The following MSANTD1 variants were observed in gnomAD, a reference collection of about 807,000 sequenced individuals.
MSANTD1 encodes Myb/SANT DNA binding domain containing 1, also known as myb/SANT-like DNA-binding domain-containing protein 1.
MSANTD1 carries 7 observed loss-of-function variants against 24.2 expected under a neutral mutation model. The ratio of observed to expected loss-of-function variants is 0.29; its 90% CI spans 0.16 to 0.54. MSANTD1 has a LOEUF of 0.54. MSANTD1 is among the 20% of genes least tolerant of loss of function. The pLI, the probability that MSANTD1 is intolerant of heterozygous loss-of-function variation, is 0.94. For missense variants in MSANTD1, 384 were observed against 408.2 expected (o/e 0.94, Z 0.51); for synonymous variants, 177 against 181.1 (o/e 0.98, Z 0.18).
Position 3,253,452 on chromosome 4 carries a change from G to C in MSANTD1, c.566G>C (p.Ser189Thr), listed in dbSNP as rs749988220. The C allele has an allele frequency of 6.4e-7, 1 of 1,573,432 alleles. No individual in the cohort carries two copies. Among genetic ancestry groups the C allele is most frequent in the Non-Finnish European group, 8.7e-7 (1 of 1,155,000 alleles). ...EGRFEDDRSD[S>T]SSSLLSLKFR... ...CGCTTCGAGGATGATCGCTCCGACA[G>C]CTCCTCCAGCTTACTGTCCCTTAAG... The change falls in exon 2 of 3, where the codon AGC becomes ACC. Residue 189 changes from serine to threonine, a missense_variant. By Grantham distance (58) the Ser-to-Thr change is moderately conservative. Transcript: ENST00000438480.
chr4:3,246,126 C>G (rs1428874573), upstream of MSANTD1, among the ~76,000 whole-genome samples: 3 of 152,218 alleles, frequency 2.0e-5, no homozygotes, highest in Non-Finnish European at 4.4e-5. Flanking sequence ...TCCTTCCCCT[C>G]CTGGCCCCAA....
At chr4:3,250,239 G>A (rs1406285095) in intron 1 of MSANTD1, among the ~76,000 whole-genome samples, 3 of 152,130 alleles carry the variant, frequency 2.0e-5, no homozygotes, top group East Asian at 1.9e-4. Context: ...CTCCCAGCGT[G>A]GGGGCTCCCG....
rs362286 is a variant in MSANTD1 at position 3,256,256 on chromosome 4, C to G, written c.*291C>G. The G allele has an allele frequency of 0.012, 3,733 of 300,908 alleles. 137 individuals are homozygous for G. Among genetic ancestry groups the G allele is most frequent in the African/African-American group, 0.072 (3,330 of 45,990 alleles). The allele number at this position is 300,908 out of a possible 1,614,324, so 18.6% of individuals were successfully genotyped here. A position where few individuals can be genotyped will look rare whatever the true frequency, so the allele number is the denominator to read the frequency against. ...CTAGAGCCACTCTCCAGTGTCGTTA[C>G]TATCAATGATACTTGACGTGGCTTT... On this transcript the variant is annotated 3_prime_UTR_variant, in exon 3 of 3. Transcript: ENST00000438480.
chr4:3,250,092 G>A (rs560387189), intron 1 of MSANTD1, among the ~76,000 whole-genome samples: 4 of 152,292 alleles, frequency 2.6e-5, no homozygotes, highest in African/African-American at 9.6e-5. Flanking sequence ...ATGAGCCGGT[G>A]AGCCCCACTG....
Position 3,253,364 on chromosome 4 carries a change from C to G in MSANTD1, c.478C>G (p.Leu160Val). The change falls in exon 2 of 3, where the codon CTG becomes GTG. Residue 160 changes from leucine to valine, a missense_variant. By Grantham distance (32) the Leu-to-Val change is conservative. Transcript: ENST00000438480. ...CTCCACGTCCCAGACCGAGGCGTCCCTGTCGCCGCCCGCTAAGTCCACCCC... is the reference window on the plus strand; with the variant it reads ...CTCCACGTCCCAGACCGAGGCGTCCGTGTCGCCGCCCGCTAAGTCCACCCC... ...GPSTSQTEASLSPPAKSTPLY... is the reference protein window; with the variant it reads ...GPSTSQTEASVSPPAKSTPLY... The G allele has an allele frequency of 3.7e-6, 6 of 1,611,246 alleles. No individual in the cohort carries two copies. Among genetic ancestry groups the G allele is most frequent in the Non-Finnish European group, 5.1e-6 (6 of 1,178,836 alleles).
chr4:3,250,168 G>C (rs998854931), intron 1 of MSANTD1, among the ~76,000 whole-genome samples: 1 of 152,154 alleles, frequency 6.6e-6, no homozygotes, highest in Non-Finnish European at 1.5e-5. Context: ...GGACCAGCCA[G>C]CGCATGGGTG....
intron 1 of MSANTD1, among the ~76,000 whole-genome samples, chr4:3,250,456 G>A (rs1356984673): frequency 6.6e-6 from 1 of 152,212 alleles, no homozygotes; most frequent in Non-Finnish European, 1.5e-5. Context: ...GTCATGGTGG[G>A]GTGAAGGTCT....
intron 2 of MSANTD1, 24 bp from the exon 3 acceptor site, chr4:3,255,701 C>T (rs1418200348): frequency 6.6e-7 from 1 of 1,508,138 alleles, no homozygotes; most frequent in African/African-American, 1.4e-5. Context: ...GCCAGCACGT[C>T]CACAGCCGGC....
In MSANTD1 at chr4:3,254,247, T is replaced by G. The variant is rs550673515; in HGVS notation, c.596+765T>G. On this transcript the variant is annotated intron_variant, in intron 2 of 2. Coordinates refer to ENST00000438480, the MANE Select transcript of MSANTD1 (RefSeq NM_001042690.2). ...CTCCCCTGCCCTGGTCTTCAAGTCT[T>G]TCTGACAGGAGGTGTCAGAAAAGTA... is the stretch of plus-strand genomic sequence containing the variant. Among the ~76,000 whole-genome samples, 5 of 152,352 alleles carry G rather than the reference T, an allele frequency of 3.3e-5. No individual in the cohort carries two copies. In the East Asian group the frequency reaches 9.6e-4, roughly 29 times the overall value.
At chr4:3,255,276 A>T (rs1186295346) in intron 2 of MSANTD1, among the ~76,000 whole-genome samples, 1 of 147,770 alleles carries the variant, frequency 6.8e-6, no homozygotes, top group Admixed American at 6.7e-5. Context: ...TTGTGCAGAG[A>T]GCAGTGGCGC....
chr4:3,249,564 G>A, intron 1 of MSANTD1, 22 bp downstream of exon 1: 1 of 1,594,672 alleles, frequency 6.3e-7, no homozygotes, highest in Non-Finnish European at 8.6e-7. Flanking sequence ...GGCAGTGTGG[G>A]CCCCACCAGG....
chr4:3,250,938 C>T (rs553858980), intron 1 of MSANTD1, among the ~76,000 whole-genome samples: 8 of 152,370 alleles, frequency 5.3e-5, no homozygotes, highest in African/African-American at 1.7e-4. Context: ...GTGAGGTCTC[C>T]GCTTTCAGTT....
chr4:3,249,489 C>T lies in MSANTD1; in HGVS notation c.267C>T (p.Arg89=), dbSNP rs1389606405. The T allele has an allele frequency of 3.7e-6, 6 of 1,612,110 alleles. No individual in the cohort carries two copies. The highest frequency in any genetic ancestry group is 5.1e-6 in the Non-Finnish European group (6 of 1,179,700). Residue 89 remains arginine, a synonymous_variant, in exon 1 of 3, where the codon CGC becomes CGT. Transcript: ENST00000438480. ...ASKLFEMTGE[R]RLGEEIKIKI... ...AGCTCTTCGAGATGACCGGCGAGCG[C>T]AGGCTGGGCGAGGAGATCAAGATCA... is the stretch of plus-strand genomic sequence containing the variant.
intron 1 of MSANTD1, among the ~76,000 whole-genome samples, 167 bp from the exon 2 acceptor site, chr4:3,253,040 T>A (rs3129321): frequency 0.47 from 71,381 of 152,046 alleles, 17,275 homozygotes; most frequent in African/African-American, 0.57. Context: ...TCTAAGTCCA[T>A]TGTCATCTTG....
chr4:3,251,793 C>T (rs2110320791), intron 1 of MSANTD1, among the ~76,000 whole-genome samples: 1 of 150,384 alleles, frequency 6.6e-6, no homozygotes, highest in East Asian at 2.0e-4. Context: ...TGTTGAAGTA[C>T]AGTTTGGGGG....
At position 3,256,174 on chromosome 4, in the gene MSANTD1, A is replaced by G; in HGVS notation, c.*209A>G. 7.4e-6 allele frequency: 4 copies of G among 539,454 alleles called. No homozygotes were observed. The South Asian group carries it at 9.3e-5, about 12-fold the overall frequency. The allele number at this position is 539,454 out of a possible 1,614,324, so 33.4% of individuals were successfully genotyped here. Reference sequence around the variant, plus strand: ...CGTGAGGCTCCAGTCTCCAGCATGAATGCCCTTCCTCGGACACAGGCCAGG... The same window carrying G: ...CGTGAGGCTCCAGTCTCCAGCATGAGTGCCCTTCCTCGGACACAGGCCAGG... On this transcript the variant is annotated 3_prime_UTR_variant, in exon 3 of 3. Coordinates refer to ENST00000438480, the MANE Select transcript of MSANTD1 (RefSeq NM_001042690.2).
At chr4:3,246,266 C>T (rs1382301166), upstream of MSANTD1, among the ~76,000 whole-genome samples, 2 of 152,230 alleles carry the variant, frequency 1.3e-5, no homozygotes, top group African/African-American at 4.8e-5. Flanking sequence ...CACCCATCTG[C>T]ACAGGCTGTG....
intron 2 of MSANTD1, among the ~76,000 whole-genome samples, chr4:3,255,066 T>C (rs1722344374): frequency 6.6e-6 from 1 of 151,944 alleles, no homozygotes; most frequent in African/African-American, 2.4e-5. Flanking sequence ...ACCTGCCCAG[T>C]TTGGTGGGTG....
intron 1 of MSANTD1, among the ~76,000 whole-genome samples, chr4:3,251,681 TTTTTTC>T (rs1051081639): frequency 2.0e-5 from 3 of 149,116 alleles, no homozygotes; most frequent in African/African-American, 5.2e-5. Context: ...CTTTTCTTTT[TTTTTTC>T]TTTTTCTTTT....
Sources: gnomAD v4.1 joint callset for allele counts (sites outside exome capture counted in the v4.1 genomes callset) on GRCh38, gnomAD v4.1.1 for gene constraint, MANE v1.5 for transcripts, NCBI Gene and HGNC (gene_info 2026-07-23, HGNC 2026-07-21) for gene names.